The following ZNF350 variants were observed in gnomAD, a reference collection of about 807,000 sequenced individuals.
ZNF350 encodes KRAB zinc finger protein ZFQR.
In ZNF350, 5 loss-of-function variants were observed where a neutral mutation model predicts 13.1. The observed-to-expected ratio is 0.38, with a 90% CI of 0.20 to 0.80. The LOEUF (loss-of-function observed/expected upper bound fraction) is 0.80, where lower values mean the gene tolerates loss of function less well. Among genes scored for constraint, ZNF350 ranks in the 30% least tolerant of loss-of-function variants. ZNF350 has a pLI of 0.43. For synonymous variants in ZNF350, 199 were observed against 224.2 expected (o/e 0.89, Z 1.00); for missense variants, 534 against 644.2 (o/e 0.83, Z 1.85).
rs1381151299 is a variant in ZNF350, at chr19:51,965,154, C to T, written c.1299G>A (p.Lys433=). The T allele has an allele frequency of 2.5e-6, 4 of 1,614,192 alleles. No homozygotes were observed. Among genetic ancestry groups the T allele is most frequent in the Non-Finnish European group, 1.7e-6 (2 of 1,180,034 alleles). ...GCCTCTCTGCAGGAGGATTTTCCAC[C>T]TTGGCTGCCTCTTGTTTCTCCCTTG... The part of the protein sequence containing the change: ...IHTREKQEAA[K]VENPPAERHS... The change falls in exon 5 of 5, where the codon AAG becomes AAA. Residue 433 remains lysine, a synonymous_variant. Transcript: ENST00000243644.
At chr19:51,973,330 C>A (rs895335508) in intron 2 of ZNF350, 1 of 151,972 alleles carries the variant, frequency 6.6e-6, no homozygotes, top group Non-Finnish European at 1.5e-5. Context: ...AGGTCCACAC[C>A]CTCCCAGAAG....
chr19:51,965,071 G>A lies in ZNF350; in HGVS notation c.1382C>T (p.Thr461Ile). 6.2e-7 allele frequency: 1 copy of A among 1,614,180 alleles called. No homozygotes were observed. The highest frequency in any genetic ancestry group is 2.2e-5 in the East Asian group (1 of 44,880). ...MQEKNSANGA[T>I]TQVPSVAPQT... ...AGGGGCCACAGAAGGCACTTGTGTA[G>A]TCGCCCCGTTAGCAGAGTTTTTCTC... The change falls in exon 5 of 5, where the codon ACT (threonine) becomes ATT (isoleucine). Residue 461 changes from threonine to isoleucine, a missense_variant. By Grantham distance (89) the Thr-to-Ile change is moderately conservative (BLOSUM62 -1). Coordinates refer to ENST00000243644, the MANE Select transcript of ZNF350 (RefSeq NM_021632.4).
rs1349876174 is a variant in ZNF350 at position 51,964,661 on chromosome 19, C to T, written c.*193G>A. ...GCTTCCTTTACTCATTTAATTGACA[C>T]AGTCGAGCAATTGCTGTGTATGTGC... is the stretch of plus-strand genomic sequence containing the variant. On this transcript the variant is annotated 3_prime_UTR_variant, in exon 5 of 5. Coordinates refer to ENST00000243644, the MANE Select transcript of ZNF350 (RefSeq NM_021632.4). 1 of 583,380 alleles carries T rather than the reference C, an allele frequency of 1.7e-6. No individual in the cohort carries two copies. The highest frequency in any genetic ancestry group is 2.9e-6 in the Non-Finnish European group (1 of 346,040). The allele number at this position is 583,380 out of a possible 1,614,324, so 36.1% of individuals were successfully genotyped here.
In ZNF350 at chr19:51,980,775, A is replaced by C. The variant is rs113511692; in HGVS notation, c.-172+5995T>G. Among the ~76,000 whole-genome samples, 670 of 152,306 alleles carry C rather than the reference A, an allele frequency of 4.4e-3. 3 individuals are homozygous for C. Among genetic ancestry groups the C allele is most frequent in the Middle Eastern group, 6.8e-3 (2 of 294 alleles). On this transcript the variant is annotated intron_variant, in intron 1 of 4. Transcript: ENST00000243644. The stretch of plus-strand genomic sequence containing the variant: ...ACAAAATTATTGATTTAAATAGGCA[A>C]ACTCAAGAATTTCAGCCTTCTTTAG...
chr19:51,969,145 C>A lies in ZNF350; in HGVS notation c.16-14G>T, dbSNP rs1267481944. The A allele has an allele frequency of 6.2e-7, 1 of 1,609,774 alleles. No homozygotes were observed. The highest frequency in any genetic ancestry group is 2.2e-5 in the East Asian group (1 of 44,812). ...TGTTATGGATTCCTGTAATAACAGTCCTGTTTAATAAAGTGATGTCTTTTT... is the reference window on the plus strand; with the variant it reads ...TGTTATGGATTCCTGTAATAACAGTACTGTTTAATAAAGTGATGTCTTTTT... On this transcript the variant is annotated splice_polypyrimidine_tract_variant and intron_variant, in intron 2 of 4. Coordinates refer to ENST00000243644, the MANE Select transcript of ZNF350 (RefSeq NM_021632.4).
intron 1 of ZNF350, among the ~76,000 whole-genome samples, chr19:51,983,761 TAATC>T (rs2086109646): frequency 6.6e-6 from 1 of 152,154 alleles, no homozygotes. Flanking sequence ...GTAAAAATAG[TAATC>T]AATAAATACT....
intron 1 of ZNF350, among the ~76,000 whole-genome samples, chr19:51,980,077 A>C (rs1030700850): frequency 3.9e-5 from 6 of 152,228 alleles, no homozygotes; most frequent in Admixed American, 1.3e-4. Flanking sequence ...AAAGAATATC[A>C]CCACTCAGTT....
chr19:51,972,512 G>A (rs1339508150), intron 2 of ZNF350, among the ~76,000 whole-genome samples: 1 of 151,762 alleles, frequency 6.6e-6, no homozygotes, highest in African/African-American at 2.4e-5. Flanking sequence ...TATAATTAAT[G>A]TTCTTCAATC....
intron 4 of ZNF350, among the ~76,000 whole-genome samples, chr19:51,966,480 C>T (rs1228726530): frequency 6.6e-6 from 1 of 151,730 alleles, no homozygotes; most frequent in Non-Finnish European, 1.5e-5. Context: ...GACGGGGTCT[C>T]ACCATGTTGG....
At chr19:51,983,111 G>T (rs150222071) in intron 1 of ZNF350, among the ~76,000 whole-genome samples, 4 of 152,236 alleles carry the variant, frequency 2.6e-5, no homozygotes, top group Non-Finnish European at 4.4e-5. Context: ...GCTCAGAAAC[G>T]TGTGCTGTGT....
chr19:51,965,982 A>T lies in ZNF350; in HGVS notation c.471T>A (p.Phe157Leu). The T allele has an allele frequency of 6.2e-7, 1 of 1,614,144 alleles. No individual in the cohort carries two copies. Among genetic ancestry groups the T allele is most frequent in the Non-Finnish European group, 8.5e-7 (1 of 1,180,036 alleles). The change falls in exon 5 of 5, where the codon TTT (phenylalanine) becomes TTA (leucine). Residue 157 changes from phenylalanine to leucine, a missense_variant. Phe to Leu is a conservative substitution (Grantham distance 22, BLOSUM62 0). Transcript: ENST00000243644. ...KGYEIKNSVE[F>L]TGNGDSFLHA... ...GAAGAAAGGAGTCCCCATTTCCAGT[A>T]AACTCAACAGAGTTCTTTATTTCAT...
At position 51,986,804 on chromosome 19, in the gene ZNF350, ACGTTACACTTC is replaced by A. The variant is rs1214590541; in HGVS notation, c.-217_-207del. ...CTCCAGATACACAAGAAGGGCCTCA[ACGTTACACTTC>A]CGTAAACTGCTCCTACTTCTGGAGT... On this transcript the variant is annotated 5_prime_UTR_variant, in exon 1 of 5. Transcript: ENST00000243644. 6.6e-6 allele frequency: 1 copy of A among 152,232 alleles called. No individual in the cohort carries two copies. The highest frequency in any genetic ancestry group is 2.4e-5 in the African/African-American group (1 of 41,422). The allele number at this position is 152,232 out of a possible 1,614,324, so 9.4% of individuals were successfully genotyped here. A position where few individuals can be genotyped will look rare whatever the true frequency, so the allele number is the denominator to read the frequency against.
chr19:51,979,570 T>C (rs1294722546), intron 1 of ZNF350, among the ~76,000 whole-genome samples: 1 of 152,236 alleles, frequency 6.6e-6, no homozygotes, highest in East Asian at 1.9e-4. Context: ...TATGTACTTA[T>C]TAGGTCTTGG....
At chr19:51,967,065 G>A (rs2085601792) in intron 4 of ZNF350, among the ~76,000 whole-genome samples, 1 of 152,128 alleles carries the variant, frequency 6.6e-6, no homozygotes. Flanking sequence ...AAAAGTAATA[G>A]TATAAACAAA....
chr19:51,978,483 T>C (rs2085952917), intron 1 of ZNF350, among the ~76,000 whole-genome samples: 1 of 152,184 alleles, frequency 6.6e-6, no homozygotes, highest in South Asian at 2.1e-4. Flanking sequence ...GAGAATATAT[T>C]GCTCAATTAT....
chr19:51,982,158 C>G (rs886474339), intron 1 of ZNF350: 6 of 151,972 alleles, frequency 3.9e-5, no homozygotes, highest in South Asian at 2.1e-4. Flanking sequence ...AGGCTCTAGA[C>G]TAACTCACAC....
chr19:51,970,283 A>G (rs994282472), intron 2 of ZNF350, among the ~76,000 whole-genome samples: 1 of 151,852 alleles, frequency 6.6e-6, no homozygotes, highest in Non-Finnish European at 1.5e-5. Context: ...GGCTGTTCTC[A>G]AACTCCTGAC....
At chr19:51,975,455 A>T (rs890107731) in intron 1 of ZNF350, among the ~76,000 whole-genome samples, 1 of 147,672 alleles carries the variant, frequency 6.8e-6, no homozygotes, top group Admixed American at 6.7e-5. Flanking sequence ...AAAAAAAACT[A>T]GTAATTGTTT....
At chr19:51,968,055 C>A (rs1599929387) in intron 4 of ZNF350, among the ~76,000 whole-genome samples, 1 of 152,086 alleles carries the variant, frequency 6.6e-6, no homozygotes, top group South Asian at 2.1e-4. Context: ...AAATGGAGAA[C>A]GGGACCTTTG....
Sources: gnomAD v4.1 joint callset for allele counts (sites outside exome capture counted in the v4.1 genomes callset) on GRCh38, gnomAD v4.1.1 for gene constraint, MANE v1.5 for transcripts, NCBI Gene and HGNC (gene_info 2026-07-23, HGNC 2026-07-21) for gene names.